Variants in ACYP2 observed in about 807,000 individuals in gnomAD.
ACYP2 encodes acylphosphatase 2.
ACYP2 carries 12 observed loss-of-function variants against 11.2 expected under a neutral mutation model. The ratio of observed to expected loss-of-function variants is 1.08; its 90% CI spans 0.69 to 1.74. The LOEUF (loss-of-function observed/expected upper bound fraction) is 1.74, where lower values mean the gene tolerates loss of function less well. Among genes scored for constraint, ACYP2 ranks in the 40% most tolerant of loss-of-function variants. The pLI is 0.00. For missense variants in ACYP2, 134 were observed against 101.9 expected (o/e 1.31, Z -1.35); for synonymous variants, 43 against 32.2 (o/e 1.33, Z -1.13).
chr2:54,205,918 CAT>C (rs542930519), intron 6 of ACYP2, among the ~76,000 whole-genome samples: 52 of 152,274 alleles, frequency 3.4e-4, no homozygotes, highest in African/African-American at 1.1e-3. Flanking sequence ...ACTTATCAAA[CAT>C]AAATTCCTTT....
At chr2:54,272,412 A>T (rs1399219489) in intron 6 of ACYP2, among the ~76,000 whole-genome samples, 2 of 152,170 alleles carry the variant, frequency 1.3e-5, no homozygotes, top group Non-Finnish European at 2.9e-5. Context: ...GCTCGCCTGC[A>T]TCTGTGTCTT....
At chr2:54,227,701 A>G (rs1407029856) in intron 6 of ACYP2, among the ~76,000 whole-genome samples, 1 of 152,186 alleles carries the variant, frequency 6.6e-6, no homozygotes, top group Non-Finnish European at 1.5e-5. Flanking sequence ...CTTTGTGATA[A>G]AGCCTTAAAT....
At chr2:54,186,906 C>T (rs1410201670) in intron 6 of ACYP2, among the ~76,000 whole-genome samples, 1 of 151,826 alleles carries the variant, frequency 6.6e-6, no homozygotes, top group African/African-American at 2.4e-5. Context: ...TAGTAAAATA[C>T]TGTTCATTAA....
intron 2 of ACYP2, among the ~76,000 whole-genome samples, chr2:54,015,536 G>A (rs908329096): frequency 6.6e-6 from 1 of 151,826 alleles, no homozygotes; most frequent in Admixed American, 6.6e-5. Context: ...TGTAGTCCCA[G>A]CTACTCCTGA....
chr2:54,026,072 G>T (rs565563468), intron 2 of ACYP2, among the ~76,000 whole-genome samples: 1 of 152,218 alleles, frequency 6.6e-6, no homozygotes, highest in Non-Finnish European at 1.5e-5. Flanking sequence ...AGCTGAGATC[G>T]CACCACTGCA....
chr2:54,204,087 C>T (rs1043612751), intron 6 of ACYP2, among the ~76,000 whole-genome samples: 1 of 152,192 alleles, frequency 6.6e-6, no homozygotes, highest in Admixed American at 6.5e-5. Flanking sequence ...CTCTGCCTCC[C>T]ACGTTGAAGT....
chr2:54,214,471 T>C (rs1370791589), intron 6 of ACYP2, among the ~76,000 whole-genome samples: 1 of 152,256 alleles, frequency 6.6e-6, no homozygotes, highest in Non-Finnish European at 1.5e-5. Flanking sequence ...TAGCCAGTTA[T>C]CTCAGCACCA....
chr2:53,990,725 G>C (rs762297728), intron 2 of ACYP2, among the ~76,000 whole-genome samples: 3 of 150,772 alleles, frequency 2.0e-5, no homozygotes, highest in Non-Finnish European at 3.0e-5. Flanking sequence ...CAGTGGTTGA[G>C]AGAGCTTCTA....
At chr2:54,002,502 TGC>T (rs1170053405) in intron 2 of ACYP2, among the ~76,000 whole-genome samples, 2 of 149,504 alleles carry the variant, frequency 1.3e-5, no homozygotes, top group African/African-American at 4.9e-5. Flanking sequence ...CACACCACCA[TGC>T]CCGGCTAATT....
intron 4 of ACYP2, among the ~76,000 whole-genome samples, chr2:54,113,747 A>G (rs1679582605): frequency 6.6e-6 from 1 of 152,190 alleles, no homozygotes; most frequent in Non-Finnish European, 1.5e-5. Flanking sequence ...AGTAGACCCA[A>G]GAGAAGAGGT....
At chr2:54,261,832 C>T (rs1687793408) in intron 6 of ACYP2, among the ~76,000 whole-genome samples, 2 of 152,186 alleles carry the variant, frequency 1.3e-5, no homozygotes, top group Non-Finnish European at 2.9e-5. Context: ...GTACACTTTG[C>T]TAATTTCTTC....
At chr2:54,171,094 T>C (rs1683203080) in intron 6 of ACYP2, among the ~76,000 whole-genome samples, 3 of 152,176 alleles carry the variant, frequency 2.0e-5, no homozygotes, top group South Asian at 2.1e-4. Context: ...CCGGGATCTC[T>C]GAGCCAGAGC....
intron 4 of ACYP2, among the ~76,000 whole-genome samples, chr2:54,058,870 GTTTATCTTGGGGCAGACATCTT>G (rs1004597447): frequency 1.3e-5 from 2 of 152,120 alleles, no homozygotes; most frequent in African/African-American, 4.8e-5. Flanking sequence ...GAGGAGGGAT[GTTTATCTTGGGGCAGACATCTT>G]TCCACCCAGA....
At chr2:54,277,768 A>G (rs1472523199) in intron 6 of ACYP2, among the ~76,000 whole-genome samples, 2 of 152,192 alleles carry the variant, frequency 1.3e-5, no homozygotes, top group Non-Finnish European at 2.9e-5. Flanking sequence ...ATTAGGCAAC[A>G]TTCATTATTT....
intron 6 of ACYP2, chr2:54,256,304 A>ACCC (rs1343399351): frequency 2.3e-5 from 18 of 780,416 alleles, no homozygotes; most frequent in Non-Finnish European, 2.9e-5. Flanking sequence ...CGCGACACTC[A>ACCC]CTCCTCAGTC....
intron 6 of ACYP2, among the ~76,000 whole-genome samples, chr2:54,211,296 G>A (rs1187602804): frequency 3.9e-5 from 6 of 151,914 alleles, no homozygotes; most frequent in Non-Finnish European, 8.8e-5. Flanking sequence ...AAATACTTTG[G>A]GCTCCAAAAC....
intron 4 of ACYP2, among the ~76,000 whole-genome samples, chr2:54,074,599 T>C (rs1677230123): frequency 6.6e-6 from 1 of 151,698 alleles, no homozygotes; most frequent in African/African-American, 2.4e-5. Flanking sequence ...TGTGTGTGTG[T>C]GTGTGTGTGT....
chr2:54,197,817 G>T (rs550779326), intron 6 of ACYP2, among the ~76,000 whole-genome samples: 1 of 152,308 alleles, frequency 6.6e-6, no homozygotes, highest in South Asian at 2.1e-4. Flanking sequence ...CAGGTCTTGG[G>T]TAAGAAACAT....
chr2:54,068,879 CATTAA>C (rs940609457), intron 4 of ACYP2, among the ~76,000 whole-genome samples: 66 of 152,018 alleles, frequency 4.3e-4, no homozygotes, highest in Admixed American at 1.4e-3. Flanking sequence ...TTCATCTTTT[CATTAA>C]ATTAAATTAA....
Sources: allele counts gnomAD v4.1 joint callset (sites outside exome capture counted in the v4.1 genomes callset), GRCh38; gene constraint gnomAD v4.1.1; transcripts MANE v1.5; gene names NCBI Gene and HGNC (gene_info 2026-07-23, HGNC 2026-07-21).